The following SLCO3A1 variants were observed in gnomAD, a reference collection of about 807,000 sequenced individuals.
SLCO3A1 encodes solute carrier organic anion transporter family member 3A1, also known as PGE1 transporter.
Under a neutral mutation model 63.1 loss-of-function variants are expected in SLCO3A1, and 27 were observed. The ratio of observed to expected loss-of-function variants is 0.43; its 90% CI spans 0.32 to 0.59. SLCO3A1 has a LOEUF of 0.59. Ranked by LOEUF, SLCO3A1 falls within the 20% of genes least tolerant of loss-of-function variation. The pLI is 0.09. For synonymous variants in SLCO3A1, 473 were observed against 409.9 expected, an observed-to-expected ratio of 1.15 and a Z score of -1.86; for missense variants, 773 against 945.8, an observed-to-expected ratio of 0.82 and a Z score of 2.40.
At chr15:92,144,864 G>A (rs112559885) in intron 7 of SLCO3A1, among the ~76,000 whole-genome samples, 2,135 of 152,310 alleles carry the variant, frequency 0.014, 21 homozygotes, top group Admixed American at 0.022. Context: ...TCTTGGGAAG[G>A]ATCTGGGCTA....
rs574175018 is a variant in SLCO3A1, at chr15:91,912,738, T to G, written c.181-3255T>G. Among the ~76,000 whole-genome samples, 1 of 152,316 alleles carries G rather than the reference T, an allele frequency of 6.6e-6. No homozygotes were observed. The highest frequency in any genetic ancestry group is 2.1e-4 in the South Asian group (1 of 4,828). On this transcript the variant is annotated intron_variant, in intron 1 of 9. Coordinates refer to ENST00000318445, the MANE Select transcript of SLCO3A1 (RefSeq NM_013272.4). The surrounding 1 kb of genome is among the most constrained non-coding windows in gnomAD (Gnocchi z 5.0). ...TACCCTCCAGCCTCATGGTGGGTCC[T>G]AAAGCTGAAGACCTACCAGACTGCT...
At chr15:91,972,088 A>G (rs1411997307) in intron 2 of SLCO3A1, among the ~76,000 whole-genome samples, 1 of 152,212 alleles carries the variant, frequency 6.6e-6, no homozygotes, top group Admixed American at 6.5e-5. Context: ...TATATCTTGG[A>G]TAATGAGAAT....
intron 2 of SLCO3A1, among the ~76,000 whole-genome samples, chr15:91,984,362 C>G (rs901418423): frequency 2.0e-5 from 3 of 152,176 alleles, no homozygotes; most frequent in African/African-American, 7.2e-5. Context: ...ATTCCATCAT[C>G]TTTCTTATCG....
chr15:91,853,925 C>A lies in SLCO3A1; in HGVS notation c.17C>A (p.Pro6Gln). The change falls in exon 1 of 10, where the codon CCG (proline) becomes CAG (glutamine). Residue 6 changes from proline to glutamine, a missense_variant. Physicochemically the swap from Pro to Gln is moderately conservative, Grantham distance 76. Coordinates refer to ENST00000318445, the MANE Select transcript of SLCO3A1 (RefSeq NM_013272.4). ...GGGGGAAGGATGCAGGGGAAGAAGCCGGGCGGTTCGTCGGGCGGCGGCCGG... is the reference window on the plus strand; with the variant it reads ...GGGGGAAGGATGCAGGGGAAGAAGCAGGGCGGTTCGTCGGGCGGCGGCCGG... Reference protein sequence around the residue: MQGKKPGGSSGGGRSG... With the variant: MQGKKQGGSSGGGRSG... The A allele has an allele frequency of 6.9e-7, 1 of 1,448,958 alleles. No homozygotes were observed. Among genetic ancestry groups the A allele is most frequent in the Non-Finnish European group, 9.2e-7 (1 of 1,092,450 alleles). 89.8% of individuals were successfully genotyped at this position (1,448,958 alleles called of 1,614,324 possible). A position where few individuals can be genotyped will look rare whatever the true frequency, so the allele number is the denominator to read the frequency against.
At chr15:91,963,014 C>T (rs1201657361) in intron 2 of SLCO3A1, among the ~76,000 whole-genome samples, 3 of 152,158 alleles carry the variant, frequency 2.0e-5, no homozygotes, top group Admixed American at 1.3e-4. Context: ...TTCCTGAAGA[C>T]CTTCCTCTGG....
intron 2 of SLCO3A1, among the ~76,000 whole-genome samples, chr15:91,951,178 A>G (rs902612124): frequency 6.6e-6 from 1 of 152,176 alleles, no homozygotes; most frequent in Non-Finnish European, 1.5e-5. Flanking sequence ...TAATTCTACA[A>G]CATTTCATCA....
intron 4 of SLCO3A1, among the ~76,000 whole-genome samples, chr15:92,109,058 G>A (rs778758683): frequency 2.0e-5 from 3 of 152,176 alleles, no homozygotes; most frequent in Admixed American, 6.5e-5. Flanking sequence ...CTGGTTGAAT[G>A]AAGTAATAAA....
chr15:92,147,577 G>C (rs975909307), intron 8 of SLCO3A1, among the ~76,000 whole-genome samples: 1 of 152,146 alleles, frequency 6.6e-6, no homozygotes, highest in African/African-American at 2.4e-5. Context: ...GGGGTGATAT[G>C]ACCCATCCTG....
At chr15:92,138,774 T>C (rs1459418868) in intron 7 of SLCO3A1, among the ~76,000 whole-genome samples, 1 of 85,550 alleles carries the variant, frequency 1.2e-5, no homozygotes, top group Non-Finnish European at 2.1e-5. Context: ...TGGCTCTCTG[T>C]TTGTCTGTTG....
At chr15:92,039,915 G>A (rs1008798086) in intron 2 of SLCO3A1, among the ~76,000 whole-genome samples, 1 of 152,126 alleles carries the variant, frequency 6.6e-6, no homozygotes, top group African/African-American at 2.4e-5. Context: ...TCCTTTGCAA[G>A]GACATGGATG....
At chr15:91,889,175 A>C in intron 1 of SLCO3A1, 1 of 1,287,530 alleles carries the variant, frequency 7.8e-7, no homozygotes, top group South Asian at 1.2e-5. Flanking sequence ...CTGATGTCAT[A>C]ACACTGGAGA....
intron 2 of SLCO3A1, among the ~76,000 whole-genome samples, chr15:91,940,471 T>G (rs1391486446): frequency 2.6e-5 from 4 of 152,212 alleles, no homozygotes; most frequent in Non-Finnish European, 4.4e-5. Context: ...CCCAGGTGCA[T>G]ATCACAGTGC....
In SLCO3A1 at chr15:91,863,565, A is replaced by G. The variant is rs1897097460; in HGVS notation, c.180+9477A>G. On this transcript the variant is annotated intron_variant, in intron 1 of 9. Coordinates refer to ENST00000318445, the MANE Select transcript of SLCO3A1 (RefSeq NM_013272.4). This position sits in a 1 kb window ranked among gnomAD's most constrained non-coding sequence, Gnocchi z 4.3. ...AGCATGTATTCCAGTGTGGCACATC[A>G]CACCATCCTCTTCTTGAAGCTATAC... 6.6e-6 allele frequency among the ~76,000 whole-genome samples: 1 copy of G among 152,192 alleles called. No homozygotes were observed. Among genetic ancestry groups the G allele is most frequent in the African/African-American group, 2.4e-5 (1 of 41,444 alleles).
rs1439188310 is a variant in SLCO3A1 at position 91,882,442 on chromosome 15, C to T, written c.180+28354C>T. Among the ~76,000 whole-genome samples the T allele has an allele frequency of 1.3e-5, 2 of 152,188 alleles. No individual in the cohort carries two copies. Among genetic ancestry groups the T allele is most frequent in the South Asian group, 2.1e-4 (1 of 4,830 alleles). On this transcript the variant is annotated intron_variant, in intron 1 of 9. Coordinates refer to ENST00000318445, the MANE Select transcript of SLCO3A1 (RefSeq NM_013272.4). This position sits in a 1 kb window ranked among gnomAD's most constrained non-coding sequence, Gnocchi z 4.4. ...CTAAATGAATCAATGAATGATCAAACAGAGGGACATGAAATTTGCTAATAC... is the reference window on the plus strand; with the variant it reads ...CTAAATGAATCAATGAATGATCAAATAGAGGGACATGAAATTTGCTAATAC...
chr15:91,921,756 G>A (rs1461153162), intron 2 of SLCO3A1, among the ~76,000 whole-genome samples: 1 of 148,790 alleles, frequency 6.7e-6, no homozygotes, highest in Admixed American at 6.7e-5. Flanking sequence ...TTGACATGAA[G>A]TCTCACTCTG....
chr15:92,163,444 C>T lies in SLCO3A1; in HGVS notation c.*309C>T. 1 of 1,056,348 alleles carries T rather than the reference C, an allele frequency of 9.5e-7. No homozygotes were observed. The highest frequency in any genetic ancestry group is 1.1e-6 in the Non-Finnish European group (1 of 877,160). The allele number at this position is 1,056,348 out of a possible 1,614,324, so 65.4% of individuals were successfully genotyped here. A position where few individuals can be genotyped will look rare whatever the true frequency, so the allele number is the denominator to read the frequency against. On this transcript the variant is annotated 3_prime_UTR_variant, in exon 10 of 10. Coordinates refer to ENST00000318445, the MANE Select transcript of SLCO3A1 (RefSeq NM_013272.4). ...TGACAGCTGCAAGCAACAGGCACTG[C>T]CAAATTCAGGGAACAGTGGTGGCCA...
At chr15:92,045,279 C>A (rs376835415) in intron 2 of SLCO3A1, among the ~76,000 whole-genome samples, 185 of 129,438 alleles carry the variant, frequency 1.4e-3, no homozygotes, top group Middle Eastern at 7.9e-3. Flanking sequence ...GACTCCATCT[C>A]AAAAAAAAAA....
chr15:92,149,321 G>A (rs774141800), intron 8 of SLCO3A1: 3 of 152,234 alleles, frequency 2.0e-5, no homozygotes, highest in African/African-American at 4.8e-5. Flanking sequence ...GCTATGCATT[G>A]TGCATATTGA....
At chr15:91,889,731 A>T (rs2151355759) in intron 1 of SLCO3A1, among the ~76,000 whole-genome samples, 2 of 152,352 alleles carry the variant, frequency 1.3e-5, no homozygotes, top group South Asian at 4.1e-4. Flanking sequence ...ATTAAGGTGA[A>T]AGTATGATAG....
Sources: allele counts gnomAD v4.1 joint callset (sites outside exome capture counted in the v4.1 genomes callset), GRCh38; gene constraint gnomAD v4.1.1; non-coding constraint Gnocchi (gnomAD v3.1); transcripts MANE v1.5; gene names NCBI Gene and HGNC (gene_info 2026-07-23, HGNC 2026-07-21).